Variants in CMTR1 observed in about 807,000 individuals in gnomAD.
CMTR1 encodes the protein cap-specific mRNA (nucleoside-2'-O-)-methyltransferase 1.
Under a neutral mutation model 107.0 loss-of-function variants are expected in CMTR1, and 39 were observed. The observed-to-expected ratio is 0.36, with a 90% CI of 0.28 to 0.48. The LOEUF is 0.48. CMTR1 is among the 20% of genes least tolerant of loss of function. The pLI is 0.99. For missense variants in CMTR1, 672 were observed against 1,064.9 expected (o/e 0.63, Z 5.14); for synonymous variants, 366 against 379.5 (o/e 0.96, Z 0.41).
chr6:37,457,664 A>G (rs1761323778), intron 8 of CMTR1, among the ~76,000 whole-genome samples: 1 of 152,336 alleles, frequency 6.6e-6, no homozygotes, highest in East Asian at 1.9e-4. Flanking sequence ...TATCTTGGCA[A>G]CTTTTCTGTA....
chr6:37,472,353 A>G lies in CMTR1; in HGVS notation c.1621-66A>G. The G allele has an allele frequency of 1.4e-6, 2 of 1,440,310 alleles. No homozygotes were observed. The highest frequency in any genetic ancestry group is 4.5e-5 in the East Asian group (2 of 44,078). The allele number at this position is 1,440,310 out of a possible 1,614,324, so 89.2% of individuals were successfully genotyped here. On this transcript the variant is annotated intron_variant, in intron 15 of 23. Coordinates refer to ENST00000373451, the MANE Select transcript of CMTR1 (RefSeq NM_015050.3). This position sits in a 1 kb window ranked among gnomAD's most constrained non-coding sequence, Gnocchi z 4.1. ...CTGACCCTATCTCCTCCACCTGCAT[A>G]TACTCATACACGGTCTTGGTCAAAA...
intron 5 of CMTR1, 36 bp from the exon 6 acceptor site, chr6:37,451,770 A>G (rs745875216): frequency 6.0e-6 from 9 of 1,500,422 alleles, no homozygotes; most frequent in Non-Finnish European, 8.4e-6. Context: ...TTGCAGTCAC[A>G]CGTGGTCATT....
In CMTR1 at chr6:37,481,024, C is replaced by T. The variant is rs1428789575; in HGVS notation, c.*879C>T. 3.8e-6 allele frequency: 5 copies of T among 1,303,814 alleles called. No individual in the cohort carries two copies. Among genetic ancestry groups the T allele is most frequent in the African/African-American group, 1.5e-5 (1 of 65,966 alleles). 80.8% of individuals were successfully genotyped at this position (1,303,814 alleles called of 1,614,324 possible). On this transcript the variant is annotated 3_prime_UTR_variant, in exon 24 of 24. Coordinates refer to ENST00000373451, the MANE Select transcript of CMTR1 (RefSeq NM_015050.3). ...GCGCTGCCCTCTGGCAGTCATGCAC[C>T]GCTGTCTGCCATAGCCGCTCTAGGG...
intron 4 of CMTR1, among the ~76,000 whole-genome samples, chr6:37,449,659 G>T (rs995434805): frequency 1.3e-5 from 2 of 152,170 alleles, no homozygotes; most frequent in Non-Finnish European, 2.9e-5. Context: ...CACCGTTTTG[G>T]CCTGATAGGA....
At position 37,458,159 on chromosome 6, in the gene CMTR1, A is replaced by G. The variant is rs1267474291; in HGVS notation, c.778-453A>G. Among the ~76,000 whole-genome samples the G allele has an allele frequency of 2.0e-5, 3 of 152,056 alleles. No homozygotes were observed. Among genetic ancestry groups the G allele is most frequent in the Non-Finnish European group, 4.4e-5 (3 of 68,010 alleles). Reference sequence around the variant, plus strand: ...AACCTCTGCCTCCCGGGTTCAAGCAATTCTCATGCCTCAGCCTCCCGAGTA... The same window carrying G: ...AACCTCTGCCTCCCGGGTTCAAGCAGTTCTCATGCCTCAGCCTCCCGAGTA... On this transcript the variant is annotated intron_variant, in intron 8 of 23. Coordinates refer to ENST00000373451, the MANE Select transcript of CMTR1 (RefSeq NM_015050.3). This position sits in a 1 kb window ranked among gnomAD's most constrained non-coding sequence, Gnocchi z 4.7.
chr6:37,473,424 T>A, intron 16 of CMTR1, 46 bp from the exon 17 acceptor site: 1 of 1,593,992 alleles, frequency 6.3e-7, no homozygotes, highest in Non-Finnish European at 8.5e-7. Context: ...ACCCATACTG[T>A]CCCTTCCCCC....
chr6:37,479,929 C>G (rs1761820658), intron 23 of CMTR1, 84 bp from the exon 24 acceptor site: 29 of 1,301,362 alleles, frequency 2.2e-5, no homozygotes, highest in Non-Finnish European at 2.9e-5. Context: ...TTGACAGACC[C>G]CTCCGCCCCA....
intron 12 of CMTR1, among the ~76,000 whole-genome samples, chr6:37,462,369 G>A (rs1047758169): frequency 2.0e-5 from 3 of 152,112 alleles, no homozygotes; most frequent in Non-Finnish European, 4.4e-5. Flanking sequence ...CCAATAGTAG[G>A]GACACTTCAG....
chr6:37,478,986 C>T (rs1761800987), intron 22 of CMTR1, among the ~76,000 whole-genome samples, 161 bp from the exon 23 acceptor site: 1 of 152,154 alleles, frequency 6.6e-6, no homozygotes, highest in African/African-American at 2.4e-5. Context: ...TCCTGCAGCC[C>T]CTTTGGGCTG....
chr6:37,435,895 A>G, intron 2 of CMTR1, 133 bp downstream of exon 2: 1 of 857,078 alleles, frequency 1.2e-6, no homozygotes, highest in Non-Finnish European at 1.7e-6. Context: ...CTCTACAGAG[A>G]GATGTTGGCT....
At chr6:37,452,080 G>A (rs1224957446) in intron 6 of CMTR1, among the ~76,000 whole-genome samples, 1 of 152,106 alleles carries the variant, frequency 6.6e-6, no homozygotes, top group Non-Finnish European at 1.5e-5. Context: ...CTGTCCCTGT[G>A]GTCAGCAGCC....
chr6:37,462,971 C>T lies in CMTR1; in HGVS notation c.1468C>T (p.His490Tyr). The change falls in exon 13 of 24, where the codon CAT becomes TAT. Residue 490 changes from histidine (H) to tyrosine (Y), a missense_variant. By Grantham distance (83) the His-to-Tyr change is moderately conservative (BLOSUM62 2). Around this residue, in one of 2 missense-constraint regions of CMTR1, gnomAD observed 583 missense variants for 968.4 expected, o/e 0.60. Coordinates refer to ENST00000373451, the MANE Select transcript of CMTR1 (RefSeq NM_015050.3). ...CCCCCTGGAGGTGATCAAGGGAGAC[C>T]ATGAATTTACTGACTACATGATACG... ...VVPLEVIKGD[H>Y]EFTDYMIRSN... The T allele has an allele frequency of 1.2e-6, 2 of 1,614,108 alleles. No individual in the cohort carries two copies. The highest frequency in any genetic ancestry group is 8.5e-7 in the Non-Finnish European group (1 of 1,180,022).
intron 2 of CMTR1, among the ~76,000 whole-genome samples, chr6:37,439,536 G>A (rs1274783751): frequency 6.6e-6 from 1 of 152,090 alleles, no homozygotes; most frequent in Non-Finnish European, 1.5e-5. Flanking sequence ...AAACACCATC[G>A]CTTTCCTGTC....
intron 13 of CMTR1, among the ~76,000 whole-genome samples, chr6:37,463,405 T>C (rs981512503): frequency 3.9e-5 from 6 of 152,208 alleles, no homozygotes; most frequent in African/African-American, 1.4e-4. Context: ...ATGGAAAGCA[T>C]GTGTACAACA....
At chr6:37,443,048 G>A (rs1019679308) in intron 2 of CMTR1, among the ~76,000 whole-genome samples, 3 of 152,140 alleles carry the variant, frequency 2.0e-5, no homozygotes, top group Non-Finnish European at 4.4e-5. Context: ...GTAAACTTTC[G>A]TGGTATAAAA....
intron 1 of CMTR1, among the ~76,000 whole-genome samples, chr6:37,433,871 G>A (rs1295302934): frequency 6.6e-6 from 1 of 152,206 alleles, no homozygotes; most frequent in Non-Finnish European, 1.5e-5. Flanking sequence ...TTTTCCCGTG[G>A]AAGATGATAG....
At position 37,461,253 on chromosome 6, in the gene CMTR1, A is replaced by G. The variant is rs1008045647; in HGVS notation, c.1096-296A>G. ...CTGCCTTACTCTTCTCTGGATTCCC[A>G]TGAGTTAAAACACATTCTAAACCAT... On this transcript the variant is annotated intron_variant, in intron 10 of 23. Transcript: ENST00000373451. Among the ~76,000 whole-genome samples the G allele has an allele frequency of 2.6e-5, 4 of 152,274 alleles. No individual in the cohort carries two copies. The East Asian group carries it at 7.7e-4, about 29-fold the overall frequency.
chr6:37,426,024 G>T, the CMTR1 span, among the ~76,000 whole-genome samples: 11 of 151,980 alleles, frequency 7.2e-5, no homozygotes, highest in South Asian at 8.3e-4. Context: ...CTATCTTCAG[G>T]TTCACTACTT....
the CMTR1 span, among the ~76,000 whole-genome samples, chr6:37,426,317 T>C: frequency 6.6e-6 from 1 of 152,238 alleles, no homozygotes; most frequent in African/African-American, 2.4e-5. Context: ...TTCTTTTGAA[T>C]GTGACACACT....
Sources: allele counts gnomAD v4.1 joint callset (sites outside exome capture counted in the v4.1 genomes callset), GRCh38; gene constraint gnomAD v4.1.1; regional missense constraint gnomAD v4.1.1; non-coding constraint Gnocchi (gnomAD v3.1); transcripts MANE v1.5; gene names NCBI Gene and HGNC (gene_info 2026-07-23, HGNC 2026-07-21).